Variants in MYO1E observed in about 807,000 individuals in gnomAD.
MYO1E encodes the protein myosin IE, also known as unconventional myosin-Ie.
A neutral mutation model predicts 151.1 loss-of-function variants in MYO1E; 68 were observed. The ratio of observed to expected loss-of-function variants is 0.45; its 90% confidence interval spans 0.37 to 0.55. The LOEUF is 0.55. Among genes scored for constraint, MYO1E ranks in the 20% least tolerant of loss-of-function variants. The pLI, the probability that MYO1E is intolerant of heterozygous loss-of-function variation, is 0.00. For missense variants in MYO1E, 1,363 were observed against 1,389.3 expected, an observed-to-expected ratio of 0.98 and a Z score of 0.30; for synonymous variants, 601 against 501.7, an observed-to-expected ratio of 1.20 and a Z score of -2.64.
chr15:59,241,887 C>A (rs1596381385), intron 4 of MYO1E, among the ~76,000 whole-genome samples: 1 of 151,222 alleles, frequency 6.6e-6, no homozygotes, highest in Non-Finnish European at 1.5e-5. Flanking sequence ...CTACTGCACT[C>A]CAGCCTGGGT....
chr15:59,202,280 C>T lies in MYO1E; in HGVS notation c.1698+46G>A, dbSNP rs201392532. On this transcript the variant is annotated intron_variant, in intron 16 of 27. Coordinates refer to ENST00000288235, the MANE Select transcript of MYO1E (RefSeq NM_004998.4). Reference sequence around the variant, plus strand: ...GGTGCAGTTCCTTACTCCTAGAAAGCGCTAGCCCTTATAAGAATCTATAAA... The same window carrying T: ...GGTGCAGTTCCTTACTCCTAGAAAGTGCTAGCCCTTATAAGAATCTATAAA... The T allele has an allele frequency of 6.2e-5, 95 of 1,542,934 alleles. No homozygotes were observed. The East Asian group carries it at 1.3e-3, about 20-fold the overall frequency.
At chr15:59,183,162 C>T (rs976874329) in intron 18 of MYO1E, among the ~76,000 whole-genome samples, 12 of 26,302 alleles carry the variant, frequency 4.6e-4, no homozygotes, top group African/African-American at 7.8e-4. Flanking sequence ...CTGCCTTAGA[C>T]GGGAAAAAAG....
chr15:59,316,007 C>T (rs985719107), intron 1 of MYO1E, among the ~76,000 whole-genome samples: 5 of 152,070 alleles, frequency 3.3e-5, no homozygotes, highest in African/African-American at 7.2e-5. Flanking sequence ...ACCCGTGGGC[C>T]AACAAGTACC....
At chr15:59,223,839 G>C (rs1272567553) in intron 8 of MYO1E, among the ~76,000 whole-genome samples, 2 of 152,164 alleles carry the variant, frequency 1.3e-5, no homozygotes, top group African/African-American at 4.8e-5. Flanking sequence ...CTACACTCTA[G>C]GACCAGTGTG....
At chr15:59,166,058 C>G (rs761536585) in intron 22 of MYO1E, among the ~76,000 whole-genome samples, 11 of 152,166 alleles carry the variant, frequency 7.2e-5, no homozygotes, top group African/African-American at 2.7e-4. Flanking sequence ...ACGAAAAAAG[C>G]AAGCAGGCCA....
chr15:59,181,114 G>T (rs8035671), intron 18 of MYO1E, among the ~76,000 whole-genome samples: 2,605 of 152,108 alleles, frequency 0.017, 76 homozygotes, highest in African/African-American at 0.06. Flanking sequence ...TGGCAGCCAG[G>T]AGAACGCTCT....
At chr15:59,199,344 A>C (rs964507281) in intron 16 of MYO1E, among the ~76,000 whole-genome samples, 9 of 152,122 alleles carry the variant, frequency 5.9e-5, no homozygotes, top group African/African-American at 2.2e-4. Flanking sequence ...CGGTCTCCCA[A>C]AGTGCTAGGA....
intron 26 of MYO1E, among the ~76,000 whole-genome samples, chr15:59,145,805 A>G (rs1160221384): frequency 2.0e-5 from 3 of 152,198 alleles, no homozygotes; most frequent in South Asian, 2.1e-4. Context: ...CGCACTCAGT[A>G]GTAGTCACAC....
intron 1 of MYO1E, among the ~76,000 whole-genome samples, chr15:59,319,550 CTTTTTTTTTTTTTTTTTTTT>C (rs59491381): frequency 7.9e-5 from 5 of 63,674 alleles, no homozygotes; most frequent in East Asian, 4.9e-4. Context: ...GTCAAACTAC[CTTTTTTTTTTTTTTTTTTTT>C]TTTTTTTTTT....
chr15:59,163,982 T>C (rs1296116389), intron 22 of MYO1E, among the ~76,000 whole-genome samples: 1 of 152,164 alleles, frequency 6.6e-6, no homozygotes, highest in African/African-American at 2.4e-5. Context: ...GAACACACCT[T>C]TGCGGGAACT....
chr15:59,224,730 C>G lies in MYO1E; in HGVS notation c.736G>C (p.Val246Leu), dbSNP rs754140127. The change falls in exon 8 of 28, where the codon GTT becomes CTT. Residue 246 changes from valine to leucine, a missense_variant. Coordinates refer to ENST00000288235, the MANE Select transcript of MYO1E (RefSeq NM_004998.4). ...TCCCGCCTGTCGTCAATGTCATCAA[C>G]CTTGTATGAGCCCGAGAGGCTCAGG... ...YYLSLSGSYK[V>L]DDIDDRREFQ... 4 of 1,614,240 alleles carry G rather than the reference C, an allele frequency of 2.5e-6. No homozygotes were observed. The highest frequency in any genetic ancestry group is 3.4e-6 in the Non-Finnish European group (4 of 1,180,046).
At position 59,134,589 on chromosome 15, in the gene MYO1E, C is replaced by CTA. The variant is rs2140296232; in HGVS notation, c.*2790_*2791insTA. 1 of 152,340 alleles carries CTA rather than the reference C, an allele frequency of 6.6e-6. No individual in the cohort carries two copies. Among genetic ancestry groups the CTA allele is most frequent in the Non-Finnish European group, 1.5e-5 (1 of 68,040 alleles). The allele number at this position is 152,340 out of a possible 1,614,324, so 9.4% of individuals were successfully genotyped here. The stretch of plus-strand genomic sequence containing the variant: ...CTCTTCTACAACTAAAGCTTGAACA[C>CTA]CTCTACCCTAGGGTACACAGTCAGG... On this transcript the variant is annotated 3_prime_UTR_variant, in exon 28 of 28. Transcript: ENST00000288235.
chr15:59,207,904 G>C (rs1443986893), intron 14 of MYO1E: 1 of 1,614,144 alleles, frequency 6.2e-7, no homozygotes, highest in Non-Finnish European at 8.5e-7. Context: ...AATACATCCA[G>C]TTTCCACCAT....
chr15:59,271,085 G>A (rs1299696484), intron 2 of MYO1E: 2 of 152,150 alleles, frequency 1.3e-5, no homozygotes, highest in Non-Finnish European at 2.9e-5. Context: ...GGTCAGAATG[G>A]TCCAAATGCC....
chr15:59,372,398 C>T (rs1458100527), intron 1 of MYO1E, 100 bp downstream of exon 1: 3 of 1,440,044 alleles, frequency 2.1e-6, no homozygotes, highest in African/African-American at 2.8e-5. Flanking sequence ...ACCTTCTCCA[C>T]CCCTGGCCCC....
chr15:59,295,148 G>C (rs984019044), intron 1 of MYO1E, among the ~76,000 whole-genome samples: 1 of 152,070 alleles, frequency 6.6e-6, no homozygotes, highest in Non-Finnish European at 1.5e-5. Context: ...ATGAAGTAAT[G>C]AATGAGACAA....
At chr15:59,324,548 A>C (rs1344630939) in intron 1 of MYO1E, among the ~76,000 whole-genome samples, 2 of 152,164 alleles carry the variant, frequency 1.3e-5, no homozygotes, top group African/African-American at 2.4e-5. Context: ...GTAGAGAAGA[A>C]GCACACCTCA....
chr15:59,200,872 CGTAAGTAACA>C (rs558457461), intron 16 of MYO1E, among the ~76,000 whole-genome samples: 97 of 152,190 alleles, frequency 6.4e-4, no homozygotes, highest in African/African-American at 2.3e-3. Context: ...GCACTGAGAG[CGTAAGTAACA>C]CCTTGGCAAG....
intron 1 of MYO1E, among the ~76,000 whole-genome samples, chr15:59,280,622 C>CAAAA (rs35913240): frequency 2.6e-5 from 2 of 77,148 alleles, no homozygotes; most frequent in African/African-American, 8.0e-5. Flanking sequence ...AAGTCCATCT[C>CAAAA]AAAAAAAAAA....
Sources: gnomAD v4.1 joint callset for allele counts (sites outside exome capture counted in the v4.1 genomes callset) on GRCh38, gnomAD v4.1.1 for gene constraint, MANE v1.5 for transcripts, NCBI Gene and HGNC (gene_info 2026-07-23, HGNC 2026-07-21) for gene names.